The following TSC22D1 variants were observed in gnomAD, a reference collection of about 807,000 sequenced individuals.
TSC22D1 encodes the protein TSC22 domain family member 1.
In TSC22D1, 9 loss-of-function variants were observed where a neutral mutation model predicts 74.2. The observed-to-expected ratio is 0.12, with a 90% CI of 0.07 to 0.21. TSC22D1 has a LOEUF of 0.21. Ranked by LOEUF, TSC22D1 falls within the 10% of genes least tolerant of loss-of-function variation. The pLI is 1.00. For synonymous variants in TSC22D1, 586 were observed against 492.5 expected, an observed-to-expected ratio of 1.19 and a Z score of -2.51; for missense variants, 1,427 against 1,304.7, an observed-to-expected ratio of 1.09 and a Z score of -1.44.
intron 1 of TSC22D1, among the ~76,000 whole-genome samples, chr13:44,524,737 C>T (rs2138049523): frequency 6.6e-6 from 1 of 152,328 alleles, no homozygotes; most frequent in African/African-American, 2.4e-5. Context: ...TGAGGTTTCA[C>T]CATGTTGGCT....
chr13:44,544,516 T>C (rs1881690047), intron 1 of TSC22D1, among the ~76,000 whole-genome samples: 2 of 150,268 alleles, frequency 1.3e-5, no homozygotes, highest in Admixed American at 1.3e-4. Context: ...AGCAAAGTTG[T>C]GTGTTAAAAA....
At chr13:44,567,809 G>A (rs937751326) in intron 1 of TSC22D1, among the ~76,000 whole-genome samples, 1 of 152,096 alleles carries the variant, frequency 6.6e-6, no homozygotes, top group African/African-American at 2.4e-5. Flanking sequence ...AAAAGTCCCA[G>A]AATGAAAAGA....
At chr13:44,553,920 C>T (rs765040251) in intron 1 of TSC22D1, among the ~76,000 whole-genome samples, 13 of 152,196 alleles carry the variant, frequency 8.5e-5, no homozygotes, top group Non-Finnish European at 7.3e-5. Context: ...AGTAGGCACT[C>T]TTTTCCTGTA....
chr13:44,536,392 G>A (rs931820583), intron 1 of TSC22D1, among the ~76,000 whole-genome samples: 2 of 151,812 alleles, frequency 1.3e-5, no homozygotes, highest in African/African-American at 2.4e-5. Flanking sequence ...AATTGTTCCT[G>A]TGGCTTCAAT....
chr13:44,532,990 AAG>A (rs1880937010), intron 1 of TSC22D1, among the ~76,000 whole-genome samples: 1 of 152,158 alleles, frequency 6.6e-6, no homozygotes, highest in South Asian at 2.1e-4. Flanking sequence ...TCTGGTAGTG[AAG>A]AGACTTGAGT....
At chr13:44,517,820 T>C (rs1229443715) in intron 1 of TSC22D1, among the ~76,000 whole-genome samples, 1 of 24,068 alleles carries the variant, frequency 4.2e-5, no homozygotes, top group Non-Finnish European at 8.4e-5. Context: ...TATGTGTGTG[T>C]GTGTGTGTGT....
intron 1 of TSC22D1, among the ~76,000 whole-genome samples, chr13:44,504,297 TA>T (rs1233689089): frequency 1.3e-5 from 2 of 150,014 alleles, no homozygotes; most frequent in Non-Finnish European, 3.0e-5. Context: ...AAGTCTCTCT[TA>T]AAAGTCTCAA....
chr13:44,553,862 G>A (rs1882448871), intron 1 of TSC22D1, among the ~76,000 whole-genome samples: 1 of 152,164 alleles, frequency 6.6e-6, no homozygotes, highest in South Asian at 2.1e-4. Flanking sequence ...ATTTTCTTAT[G>A]CATTTAGAAT....
intron 1 of TSC22D1, among the ~76,000 whole-genome samples, chr13:44,461,875 A>G (rs1056163330): frequency 6.6e-6 from 1 of 152,206 alleles, no homozygotes; most frequent in Non-Finnish European, 1.5e-5. Flanking sequence ...CCCTGCCTTT[A>G]GGAAATAGGA....
intron 1 of TSC22D1, among the ~76,000 whole-genome samples, chr13:44,496,286 G>A (rs549513429): frequency 2.6e-5 from 4 of 152,248 alleles, no homozygotes; most frequent in Admixed American, 1.3e-4. Context: ...AGTGGCTCAC[G>A]CCCATAATCC....
chr13:44,539,694 AC>A, intron 1 of TSC22D1: 1 of 1,184,848 alleles, frequency 8.4e-7, no homozygotes. Flanking sequence ...GGAGTTTACC[AC>A]AGAATTAAAT....
chr13:44,445,216 T>TACACACACACACAC (rs55714213), intron 1 of TSC22D1, among the ~76,000 whole-genome samples: 8 of 144,784 alleles, frequency 5.5e-5, no homozygotes, highest in Admixed American at 1.4e-4. Context: ...AGGTCAAAGA[T>TACACACACACACAC]ACACACACAC....
chr13:44,576,976 C>T (rs943247600), upstream of TSC22D1: 3 of 152,608 alleles, frequency 2.0e-5, no homozygotes, highest in Non-Finnish European at 2.9e-5. Context: ...CCGAGCCTCT[C>T]CGGAGGGCGG....
chr13:44,570,608 G>A (rs1445444379), intron 1 of TSC22D1, among the ~76,000 whole-genome samples: 2 of 152,144 alleles, frequency 1.3e-5, no homozygotes, highest in Non-Finnish European at 2.9e-5. Context: ...CTTTCCACAT[G>A]TCTAAACATT....
rs112888400 is a variant in TSC22D1, at chr13:44,503,608, A to C, written c.2913-67513T>G. On this transcript the variant is annotated intron_variant, in intron 1 of 2. Transcript: ENST00000458659. Reference sequence around the variant, plus strand: ...CTGGGGGGAAAAGATACAATCTAGAATAGAAAAGTCTTTCAGTATTTCCAA... The same window carrying C: ...CTGGGGGGAAAAGATACAATCTAGACTAGAAAAGTCTTTCAGTATTTCCAA... Among the ~76,000 whole-genome samples, 54 of 152,348 alleles carry C rather than the reference A, an allele frequency of 3.5e-4. 1 individual carries two copies. Among genetic ancestry groups the C allele is most frequent in the African/African-American group, 1.2e-3 (48 of 41,594 alleles).
chr13:44,432,194 G>A lies in TSC22D1; in HGVS notation c.*2432C>T, dbSNP rs916345993. The A allele has an allele frequency of 5.3e-5, 8 of 152,062 alleles. No homozygotes were observed. The highest frequency in any genetic ancestry group is 1.9e-4 in the African/African-American group (8 of 41,420). 9.4% of individuals were successfully genotyped at this position (152,062 alleles called of 1,614,324 possible). On this transcript the variant is annotated 3_prime_UTR_variant, in exon 3 of 3. Transcript: ENST00000458659. The stretch of plus-strand genomic sequence containing the variant: ...ATTCTTATTTCACAAATATTCAGCT[G>A]CCAAAATTTCATGAGTCTCACATTT...
chr13:44,542,006 C>T (rs1273693993), intron 1 of TSC22D1, among the ~76,000 whole-genome samples: 1 of 151,990 alleles, frequency 6.6e-6, no homozygotes, highest in African/African-American at 2.4e-5. Context: ...ATAGTAATAG[C>T]TCAATATCAA....
chr13:44,447,181 G>A (rs1423062624), intron 1 of TSC22D1, among the ~76,000 whole-genome samples: 1 of 148,746 alleles, frequency 6.7e-6, no homozygotes, highest in East Asian at 2.0e-4. Context: ...ACAGTGTCTC[G>A]CCATGTTGCC....
chr13:44,552,920 G>C (rs539546242), intron 1 of TSC22D1, among the ~76,000 whole-genome samples: 1 of 152,132 alleles, frequency 6.6e-6, no homozygotes, highest in African/African-American at 2.4e-5. Context: ...CCCGGAAGGC[G>C]AAGCTTGCAG....
Sources: gnomAD v4.1 joint callset for allele counts (sites outside exome capture counted in the v4.1 genomes callset) on GRCh38, gnomAD v4.1.1 for gene constraint, MANE v1.5 for transcripts, NCBI Gene and HGNC (gene_info 2026-07-23, HGNC 2026-07-21) for gene names.